PSD3: variants seen among roughly 807,000 people sequenced by gnomAD.
The protein encoded by PSD3 is pleckstrin and Sec7 domain containing 3, also known as PH and SEC7 domain-containing protein 3.
PSD3 carries 49 observed loss-of-function variants against 105.5 expected under a neutral mutation model. The ratio of observed to expected loss-of-function variants is 0.46; its 90% CI spans 0.37 to 0.59. PSD3 has a LOEUF of 0.59. Among genes scored for constraint, PSD3 ranks in the 20% least tolerant of loss-of-function variants. The probability of loss-of-function intolerance (pLI) is 0.00; values close to 1 mark genes in which losing one functional copy is unlikely to be tolerated. For missense variants in PSD3, 1,561 were observed against 1,263.8 expected (o/e 1.24, Z -3.57); for synonymous variants, 557 against 457.8 (o/e 1.22, Z -2.77).
Position 18,954,899 on chromosome 8 carries a change from T to C in PSD3, c.22-18757A>G, listed in dbSNP as rs186222783. 4.6e-5 allele frequency among the ~76,000 whole-genome samples: 7 copies of C among 152,244 alleles called. No homozygotes were observed. In the East Asian group the frequency reaches 1.4e-3, roughly 29 times the overall value. ...CTTTCCACCCTCATCCCAAGTTCAA[T>C]GAACTGCATCAACTTTGTAAGTGAC... On this transcript the variant is annotated intron_variant, in intron 1 of 15. Transcript: ENST00000327040.
intron 15 of PSD3, among the ~76,000 whole-genome samples, chr8:18,547,443 C>T (rs1160819706): frequency 2.6e-5 from 4 of 152,110 alleles, no homozygotes; most frequent in Admixed American, 2.0e-4. Flanking sequence ...TTTTGCTTAC[C>T]TTTTCCCCTC....
At chr8:18,784,891 T>C (rs1248170114) in intron 8 of PSD3, among the ~76,000 whole-genome samples, 2 of 152,122 alleles carry the variant, frequency 1.3e-5, no homozygotes, top group Non-Finnish European at 2.9e-5. Flanking sequence ...AAATCAATGG[T>C]CAGTGGTATT....
chr8:18,867,046 T>C (rs17127368), intron 4 of PSD3, among the ~76,000 whole-genome samples: 17,570 of 152,060 alleles, frequency 0.12, 1,536 homozygotes, highest in African/African-American at 0.25. Context: ...GTGGATACAA[T>C]GTACATAATT....
At chr8:19,067,244 G>A (rs576100694) in intron 1 of PSD3, among the ~76,000 whole-genome samples, 1 of 152,294 alleles carries the variant, frequency 6.6e-6, no homozygotes, top group South Asian at 2.1e-4. Context: ...AGTAACTACA[G>A]TAGTGCTACC....
chr8:18,635,727 C>A (rs1843963), intron 10 of PSD3, among the ~76,000 whole-genome samples: 50,895 of 151,894 alleles, frequency 0.34, 8,774 homozygotes, highest in Middle Eastern at 0.47. Context: ...AATTCATGTC[C>A]TTTGCAGGGA....
chr8:18,976,146 T>C (rs1021350051), intron 1 of PSD3, among the ~76,000 whole-genome samples: 9 of 152,080 alleles, frequency 5.9e-5, no homozygotes, highest in African/African-American at 1.7e-4. Context: ...AAAATGCTTA[T>C]ACTAGAAAGA....
chr8:18,766,069 C>A (rs1806972649), intron 8 of PSD3, among the ~76,000 whole-genome samples: 1 of 152,062 alleles, frequency 6.6e-6, no homozygotes, highest in Non-Finnish European at 1.5e-5. Flanking sequence ...GCTCCTGACT[C>A]ATGTCTGTAA....
rs528989475 is a variant in PSD3, at chr8:18,856,913, A to C, written c.1634+10761T>G. Among the ~76,000 whole-genome samples the C allele has an allele frequency of 3.1e-4, 47 of 152,332 alleles. No individual in the cohort carries two copies. In the South Asian group the frequency reaches 9.7e-3, roughly 32 times the overall value. On this transcript the variant is annotated intron_variant, in intron 4 of 15. Transcript: ENST00000327040. ...ATTAAGTGCCAGTAAATGATTACTGATTATGTGCCAGTAAATGACTTAGAC... is the reference window on the plus strand; with the variant it reads ...ATTAAGTGCCAGTAAATGATTACTGCTTATGTGCCAGTAAATGACTTAGAC...
intron 11 of PSD3, among the ~76,000 whole-genome samples, chr8:18,616,428 C>T (rs1285662161): frequency 6.6e-6 from 1 of 152,100 alleles, no homozygotes; most frequent in East Asian, 1.9e-4. Flanking sequence ...TGATGGTGGC[C>T]AGGCATTCTC....
intron 2 of PSD3, among the ~76,000 whole-genome samples, chr8:18,889,604 A>G (rs1162484646): frequency 6.6e-6 from 1 of 152,116 alleles, no homozygotes; most frequent in Non-Finnish European, 1.5e-5. Flanking sequence ...CAAACAAACA[A>G]TAAAGGCTCT....
rs755375836 is a variant in PSD3 at position 18,607,683 on chromosome 8, C to CAAAAAAA, written c.2411-7256_2411-7250dup. On this transcript the variant is annotated intron_variant, in intron 11 of 15. Transcript: ENST00000327040. ...AGCATATAACAAGACTCCACTGCTA[C>CAAAAAAA]AAAAAAAAAAAACAAAACAAAAAAA... is the stretch of plus-strand genomic sequence containing the variant. Among the ~76,000 whole-genome samples, 46 of 81,252 alleles carry CAAAAAAA rather than the reference C, an allele frequency of 5.7e-4. 3 individuals are homozygous for CAAAAAAA. The highest frequency in any genetic ancestry group is 1.2e-3 in the East Asian group (3 of 2,444). The allele number at this position is 81,252 out of a possible 152,430, so 53.3% of individuals were successfully genotyped here.
chr8:18,744,923 A>C (rs1263695222), intron 9 of PSD3, among the ~76,000 whole-genome samples: 1 of 152,186 alleles, frequency 6.6e-6, no homozygotes, highest in African/African-American at 2.4e-5. Flanking sequence ...ACTTCAAAAG[A>C]AGATGGGCCA....
At chr8:18,765,838 T>A (rs1806940169) in intron 8 of PSD3, among the ~76,000 whole-genome samples, 1 of 151,936 alleles carries the variant, frequency 6.6e-6, no homozygotes. Flanking sequence ...CATGGTGGCA[T>A]GCACCTGTAG....
At chr8:18,881,422 GT>G (rs936140244) in intron 2 of PSD3, among the ~76,000 whole-genome samples, 1 of 152,182 alleles carries the variant, frequency 6.6e-6, no homozygotes, top group African/African-American at 2.4e-5. Context: ...GAATTATCCT[GT>G]TTGAGGAGCA....
At chr8:18,641,486 A>G (rs1807637790) in intron 10 of PSD3, among the ~76,000 whole-genome samples, 1 of 152,240 alleles carries the variant, frequency 6.6e-6, no homozygotes, top group Non-Finnish European at 1.5e-5. Flanking sequence ...AGAGCTGTGT[A>G]CAAAGCAGTA....
At chr8:18,850,367 A>G (rs1815464009) in intron 4 of PSD3, among the ~76,000 whole-genome samples, 1 of 152,168 alleles carries the variant, frequency 6.6e-6, no homozygotes, top group Non-Finnish European at 1.5e-5. Context: ...TCCTATAACA[A>G]TGGATCTGAG....
intron 8 of PSD3, among the ~76,000 whole-genome samples, chr8:18,772,196 G>A (rs1332161044): frequency 6.6e-6 from 1 of 152,010 alleles, no homozygotes; most frequent in Non-Finnish European, 1.5e-5. Flanking sequence ...AACATGGGTG[G>A]GCAAGTATCT....
At chr8:18,591,613 G>A (rs1803612728) in intron 12 of PSD3, among the ~76,000 whole-genome samples, 1 of 152,156 alleles carries the variant, frequency 6.6e-6, no homozygotes, top group Non-Finnish European at 1.5e-5. Context: ...TTAGAACAGA[G>A]TAGAGAGACA....
intron 1 of PSD3, among the ~76,000 whole-genome samples, chr8:18,937,678 C>T (rs552202998): frequency 2.0e-5 from 3 of 152,292 alleles, no homozygotes; most frequent in South Asian, 2.1e-4. Flanking sequence ...CTTGGTGTTA[C>T]GTGTTTGATA....
Sources: gnomAD v4.1 joint callset for allele counts (sites outside exome capture counted in the v4.1 genomes callset) on GRCh38, gnomAD v4.1.1 for gene constraint, MANE v1.5 for transcripts, NCBI Gene and HGNC (gene_info 2026-07-23, HGNC 2026-07-21) for gene names.